FAM184B: variants seen among roughly 807,000 people sequenced by gnomAD.
FAM184B encodes protein FAM184B.
In FAM184B, 111 loss-of-function variants were observed where a neutral mutation model predicts 135.9. The ratio of observed to expected loss-of-function variants is 0.82; its 90% CI spans 0.70 to 0.96. FAM184B has a LOEUF of 0.96. Ranked by LOEUF, FAM184B falls within the 40% of genes least tolerant of loss-of-function variation. FAM184B has a pLI of 0.00. For synonymous variants in FAM184B, 552 were observed against 524.8 expected (o/e 1.05, Z -0.71); for missense variants, 1,375 against 1,323.9 (o/e 1.04, Z -0.60).
At chr4:17,727,725 A>C (rs1717675151) in intron 1 of FAM184B, among the ~76,000 whole-genome samples, 1 of 152,200 alleles carries the variant, frequency 6.6e-6, no homozygotes, top group Non-Finnish European at 1.5e-5. Flanking sequence ...GACCACCCCC[A>C]AGATCGAACC....
rs556698622 is a variant in FAM184B, at chr4:17,671,040, A to C, written c.1597-6381T>G. Among the ~76,000 whole-genome samples the C allele has an allele frequency of 1.0e-3, 156 of 152,296 alleles. 1 individual carries two copies. Among genetic ancestry groups the C allele is most frequent in the African/African-American group, 3.6e-3 (148 of 41,560 alleles). On this transcript the variant is annotated intron_variant, in intron 7 of 17. Transcript: ENST00000265018. ...CTGATCCCTTTTTTCCCCAATAAGC[A>C]TATCAATTCAGCAATAGTTCATGTA...
chr4:17,766,011 C>T (rs898429788), intron 1 of FAM184B, among the ~76,000 whole-genome samples: 1 of 152,238 alleles, frequency 6.6e-6, no homozygotes, highest in Non-Finnish European at 1.5e-5. Flanking sequence ...CTGGCTTCAA[C>T]AGTGAAGCTG....
intron 5 of FAM184B, among the ~76,000 whole-genome samples, chr4:17,700,947 T>C (rs1426735189): frequency 6.6e-6 from 1 of 152,184 alleles, no homozygotes; most frequent in Non-Finnish European, 1.5e-5. Context: ...TTGGTGGTAG[T>C]AGCAAATAAA....
chr4:17,775,983 C>T (rs983461944), intron 1 of FAM184B, among the ~76,000 whole-genome samples: 6 of 152,072 alleles, frequency 3.9e-5, no homozygotes, highest in Admixed American at 6.6e-5. Flanking sequence ...TTTGTACCCC[C>T]TAAATCTATA....
At chr4:17,695,139 G>A (rs1462270619) in intron 5 of FAM184B, among the ~76,000 whole-genome samples, 1 of 107,768 alleles carries the variant, frequency 9.3e-6, no homozygotes, top group African/African-American at 3.4e-5. Flanking sequence ...ATTTGGATAA[G>A]CTGGCTACTG....
intron 1 of FAM184B, among the ~76,000 whole-genome samples, chr4:17,743,641 A>G (rs1718094873): frequency 6.6e-6 from 1 of 152,200 alleles, no homozygotes; most frequent in Non-Finnish European, 1.5e-5. Flanking sequence ...TCATCACACT[A>G]TTCAACAACA....
intron 9 of FAM184B, 85 bp downstream of exon 9, chr4:17,659,873 C>G: frequency 6.7e-7 from 1 of 1,494,724 alleles, no homozygotes; most frequent in Non-Finnish European, 9.0e-7. Flanking sequence ...GGATGTGAAT[C>G]AGGCCCTGCA....
chr4:17,684,023 C>T (rs1255561654), intron 7 of FAM184B, among the ~76,000 whole-genome samples: 2 of 151,014 alleles, frequency 1.3e-5, no homozygotes, highest in Non-Finnish European at 2.9e-5. Context: ...TTGCAGTGAG[C>T]CAGGACTGCA....
chr4:17,751,989 C>T (rs1450989533), intron 1 of FAM184B, among the ~76,000 whole-genome samples: 1 of 149,906 alleles, frequency 6.7e-6, no homozygotes, highest in Non-Finnish European at 1.5e-5. Context: ...AAAAAAAGAA[C>T]TGGCTGGGCT....
At chr4:17,658,303 C>T (rs1447851954) in intron 10 of FAM184B, 47 bp downstream of exon 10, 39 of 1,526,314 alleles carry the variant, frequency 2.6e-5, no homozygotes, top group Non-Finnish European at 3.4e-5. Flanking sequence ...GCAGTTCTCA[C>T]CTAGCAGGTG....
At chr4:17,763,855 A>C (rs1435809227) in intron 1 of FAM184B, among the ~76,000 whole-genome samples, 1 of 152,158 alleles carries the variant, frequency 6.6e-6, no homozygotes, top group African/African-American at 2.4e-5. Context: ...AGGGCAGACC[A>C]CCCTGGCAGG....
intron 9 of FAM184B, among the ~76,000 whole-genome samples, chr4:17,658,886 A>G (rs973038663): frequency 1.3e-5 from 2 of 151,884 alleles, no homozygotes; most frequent in African/African-American, 4.8e-5. Flanking sequence ...CTTCCTCACT[A>G]AGGATTCTCC....
At chr4:17,776,820 G>T (rs568373262) in intron 1 of FAM184B, among the ~76,000 whole-genome samples, 2 of 152,244 alleles carry the variant, frequency 1.3e-5, no homozygotes, top group African/African-American at 4.8e-5. Flanking sequence ...AACTTCAAGA[G>T]GAAAGCTAGG....
At chr4:17,635,689 C>T (rs552998275) in intron 15 of FAM184B, among the ~76,000 whole-genome samples, 1 of 131,898 alleles carries the variant, frequency 7.6e-6, no homozygotes, top group South Asian at 2.4e-4. Context: ...AAAAAAAAAA[C>T]CCATGATACC....
intron 1 of FAM184B, among the ~76,000 whole-genome samples, chr4:17,730,451 GA>G (rs1717750421): frequency 6.6e-6 from 1 of 152,124 alleles, no homozygotes; most frequent in Admixed American, 6.5e-5. Flanking sequence ...GCAACTCCAA[GA>G]CACATAATTG....
At chr4:17,639,205 TG>T (rs1172919260) in intron 14 of FAM184B, 44 bp downstream of exon 14, 6 of 1,540,950 alleles carry the variant, frequency 3.9e-6, no homozygotes, top group Non-Finnish European at 4.4e-6. Context: ...CCCTACTGAA[TG>T]GTACATTTGC....
chr4:17,702,413 C>A (rs1372975487), intron 5 of FAM184B, among the ~76,000 whole-genome samples: 1 of 152,110 alleles, frequency 6.6e-6, no homozygotes, highest in African/African-American at 2.4e-5. Flanking sequence ...AATCTGGGGT[C>A]AAGGAAGGCA....
chr4:17,692,585 G>A (rs1302114536), intron 6 of FAM184B, among the ~76,000 whole-genome samples: 8 of 152,106 alleles, frequency 5.3e-5, no homozygotes, highest in African/African-American at 1.9e-4. Flanking sequence ...CTAAACAATC[G>A]ATACTGTTTT....
intron 7 of FAM184B, among the ~76,000 whole-genome samples, chr4:17,678,830 C>G (rs575053319): frequency 6.6e-6 from 1 of 152,230 alleles, no homozygotes; most frequent in Non-Finnish European, 1.5e-5. Context: ...TAAAAACAGA[C>G]ACATAGGCCA....
Sources: gnomAD v4.1 joint callset for allele counts (sites outside exome capture counted in the v4.1 genomes callset) on GRCh38, gnomAD v4.1.1 for gene constraint, MANE v1.5 for transcripts, NCBI Gene and HGNC (gene_info 2026-07-23, HGNC 2026-07-21) for gene names.